EBF3: variants seen among roughly 807,000 people sequenced by gnomAD.
The protein encoded by EBF3 is EBF transcription factor 3, also known as transcription factor COE3.
Under a neutral mutation model 77.1 loss-of-function variants are expected in EBF3, and 18 were observed. The ratio of observed to expected loss-of-function variants is 0.23; its 90% confidence interval spans 0.16 to 0.35. The LOEUF (loss-of-function observed/expected upper bound fraction) is 0.35, where lower values mean the gene tolerates loss of function less well. Among genes scored for constraint, EBF3 ranks in the 10% least tolerant of loss-of-function variants. The pLI is 1.00. For missense variants in EBF3, 558 were observed against 860.0 expected, an observed-to-expected ratio of 0.65 and a Z score of 4.39; for synonymous variants, 350 against 343.5, an observed-to-expected ratio of 1.02 and a Z score of -0.21.
intron 6 of EBF3, among the ~76,000 whole-genome samples, chr10:129,912,619 A>G (rs957419896): frequency 6.6e-6 from 1 of 152,208 alleles, no homozygotes; most frequent in Non-Finnish European, 1.5e-5. Context: ...TACATCGACA[A>G]GAATATATTT....
intron 11 of EBF3, 82 bp from the exon 12 acceptor site, chr10:129,843,284 G>A: frequency 1.4e-6 from 2 of 1,456,090 alleles, no homozygotes; most frequent in East Asian, 2.5e-5. Flanking sequence ...TCCGTCTGCG[G>A]GTGTGGAGAC....
Position 129,848,554 on chromosome 10 carries a change from A to G in EBF3, c.1040-74T>C, listed in dbSNP as rs1279741613. The stretch of plus-strand genomic sequence containing the variant: ...TCCATTACTCGTTTATTGCACACTT[A>G]CAAATAAATGTGTAGTTCTCCTGCT... On this transcript the variant is annotated intron_variant, in intron 10 of 16. Coordinates refer to ENST00000440978, the MANE Select transcript of EBF3 (RefSeq NM_001375380.1). The surrounding 1 kb of genome is among the most constrained non-coding windows in gnomAD (Gnocchi z 4.4). The G allele has an allele frequency of 2.7e-6, 4 of 1,473,438 alleles. No individual in the cohort carries two copies. The highest frequency in any genetic ancestry group is 1.4e-5 in the African/African-American group (1 of 71,902). The allele number at this position is 1,473,438 out of a possible 1,614,324, so 91.3% of individuals were successfully genotyped here. A position where few individuals can be genotyped will look rare whatever the true frequency, so the allele number is the denominator to read the frequency against.
At chr10:129,909,716 C>G (rs1564879410) in intron 6 of EBF3, among the ~76,000 whole-genome samples, 1 of 152,196 alleles carries the variant, frequency 6.6e-6, no homozygotes, top group African/African-American at 2.4e-5. Context: ...AGCCTGCGAA[C>G]CCCCATGCTG....
chr10:129,843,027 C>A (rs1850195631), intron 12 of EBF3, 110 bp downstream of exon 12: 7 of 1,048,562 alleles, frequency 6.7e-6, no homozygotes, highest in Non-Finnish European at 9.9e-6. Context: ...CCTGTGGAGT[C>A]GCTGGAAAAG....
Position 129,897,969 on chromosome 10 carries a change from G to A in EBF3, c.555-20120C>T, listed in dbSNP as rs1476015887. ...TGCCTAAAGCTGGGGCTGCTCAACA[G>A]AAGAGAGCCCGAGCTGACCCGTTGC... On this transcript the variant is annotated intron_variant, in intron 6 of 16. Transcript: ENST00000440978. The surrounding 1 kb of genome is among the most constrained non-coding windows in gnomAD (Gnocchi z 4.6). Among the ~76,000 whole-genome samples the A allele has an allele frequency of 4.6e-5, 7 of 152,214 alleles. No individual in the cohort carries two copies. The highest frequency in any genetic ancestry group is 1.4e-4 in the African/African-American group (6 of 41,458).
intron 11 of EBF3, among the ~76,000 whole-genome samples, chr10:129,843,527 A>G (rs1047605754): frequency 2.0e-5 from 3 of 152,238 alleles, no homozygotes; most frequent in Admixed American, 2.0e-4. Flanking sequence ...ACGGAGTCTT[A>G]TGGGTATTAA....
chr10:129,855,477 C>T (rs1000591514), intron 10 of EBF3, among the ~76,000 whole-genome samples: 1 of 152,218 alleles, frequency 6.6e-6, no homozygotes, highest in Non-Finnish European at 1.5e-5. Flanking sequence ...CCCAGTCCAG[C>T]CCTGCAGCTC....
intron 6 of EBF3, 108 bp downstream of exon 6, chr10:129,957,150 T>C (rs1452941363): frequency 2.1e-6 from 2 of 971,376 alleles, no homozygotes; most frequent in South Asian, 1.6e-5. Flanking sequence ...ATGCACAAGA[T>C]GGGCTCGACA....
intron 10 of EBF3, among the ~76,000 whole-genome samples, chr10:129,865,516 C>T (rs933903451): frequency 6.6e-6 from 1 of 152,142 alleles, no homozygotes; most frequent in Non-Finnish European, 1.5e-5. Context: ...CCTGTGTGTG[C>T]TGGTCCCACA....
intron 10 of EBF3, among the ~76,000 whole-genome samples, chr10:129,850,594 A>C (rs1404772296): frequency 6.6e-6 from 1 of 152,170 alleles, no homozygotes; most frequent in Admixed American, 6.5e-5. Flanking sequence ...CTGCCATTCC[A>C]GCTCTAAATC....
intron 6 of EBF3, among the ~76,000 whole-genome samples, chr10:129,926,488 C>T (rs1402502986): frequency 6.6e-6 from 1 of 152,080 alleles, no homozygotes; most frequent in Non-Finnish European, 1.5e-5. Context: ...TAGGACAATC[C>T]GCGGTGCATG....
At chr10:129,904,432 AGATG>A (rs1418641381) in intron 6 of EBF3, among the ~76,000 whole-genome samples, 2 of 152,140 alleles carry the variant, frequency 1.3e-5, no homozygotes, top group African/African-American at 2.4e-5. Context: ...TTAAATGGAC[AGATG>A]GATGGATGGA....
At chr10:129,934,532 C>T (rs1204746858) in intron 6 of EBF3, among the ~76,000 whole-genome samples, 1 of 152,172 alleles carries the variant, frequency 6.6e-6, no homozygotes, top group African/African-American at 2.4e-5. Context: ...TCTCAGGGCC[C>T]ATGTAAATGA....
At chr10:129,908,459 G>T (rs777172285) in intron 6 of EBF3, among the ~76,000 whole-genome samples, 2 of 152,196 alleles carry the variant, frequency 1.3e-5, no homozygotes, top group Non-Finnish European at 2.9e-5. Context: ...GCCGTCCTGG[G>T]CAATGGTTAT....
chr10:129,888,320 T>C (rs1467324645), intron 6 of EBF3, among the ~76,000 whole-genome samples: 2 of 152,326 alleles, frequency 1.3e-5, no homozygotes, highest in South Asian at 2.1e-4. Context: ...CGCGTCGAAG[T>C]TGCTTTCCTC....
intron 6 of EBF3, among the ~76,000 whole-genome samples, chr10:129,918,287 A>C (rs1400629337): frequency 1.3e-5 from 2 of 152,246 alleles, no homozygotes; most frequent in African/African-American, 4.8e-5. Flanking sequence ...AGCTGGGTCC[A>C]GGGGCCAAGA....
chr10:129,917,651 C>CAAAAAAAAAAAAAAAAAAAAA lies in EBF3; in HGVS notation c.554+39586_554+39606dup, dbSNP rs71481019. 2.1e-3 allele frequency among the ~76,000 whole-genome samples: 50 copies of CAAAAAAAAAAAAAAAAAAAAA among 23,598 alleles called. 9 individuals are homozygous for CAAAAAAAAAAAAAAAAAAAAA. The highest frequency in any genetic ancestry group is 3.8e-3 in the South Asian group (1 of 266). 15.5% of individuals were successfully genotyped at this position (23,598 alleles called of 152,430 possible). On this transcript the variant is annotated intron_variant, in intron 6 of 16. Transcript: ENST00000440978. Reference sequence around the variant, plus strand: ...TGGGCACCACAGCAAGACCCTGCCTCAAAAAAAAAAAAAAAAAAAAAAAAA... The same window carrying CAAAAAAAAAAAAAAAAAAAAA: ...TGGGCACCACAGCAAGACCCTGCCTCAAAAAAAAAAAAAAAAAAAAAAAAAAAAAAAAAAAAAAAAAAAAAA...
intron 6 of EBF3, among the ~76,000 whole-genome samples, chr10:129,953,031 T>TA (rs560515814): frequency 4.7e-3 from 304 of 64,676 alleles, no homozygotes; most frequent in Middle Eastern, 0.019. Flanking sequence ...CACTGTTGAC[T>TA]AAAAAAAAAA....
intron 6 of EBF3, among the ~76,000 whole-genome samples, chr10:129,917,651 CAAAAAAAAA>C (rs71481019): frequency 2.8e-3 from 65 of 23,600 alleles, no homozygotes; most frequent in East Asian, 0.024. Context: ...GACCCTGCCT[CAAAAAAAAA>C]AAAAAAAAAA....
Sources: gnomAD v4.1 joint callset for allele counts (sites outside exome capture counted in the v4.1 genomes callset) on GRCh38, gnomAD v4.1.1 for gene constraint, Gnocchi (gnomAD v3.1) non-coding constraint, MANE v1.5 for transcripts, NCBI Gene and HGNC (gene_info 2026-07-23, HGNC 2026-07-21) for gene names.